The following GRIN2D variants were observed in gnomAD, a reference collection of about 807,000 sequenced individuals.
GRIN2D encodes glutamate receptor ionotropic, NMDA 2D.
Under a neutral mutation model 103.2 loss-of-function variants are expected in GRIN2D, and 37 were observed. The observed-to-expected ratio is 0.36, with a 90% CI of 0.28 to 0.47. The LOEUF (loss-of-function observed/expected upper bound fraction) is 0.47, where lower values mean the gene tolerates loss of function less well. GRIN2D is among the 20% of genes least tolerant of loss of function. The pLI, the probability that GRIN2D is intolerant of heterozygous loss-of-function variation, is 1.00. For synonymous variants in GRIN2D, 845 were observed against 885.6 expected, an observed-to-expected ratio of 0.95 and a Z score of 0.81; for missense variants, 1,557 against 1,910.6, an observed-to-expected ratio of 0.81 and a Z score of 3.45.
At chr19:48,411,326 AAATAATAATAATAATAAT>A (rs200053542) in intron 4 of GRIN2D, among the ~76,000 whole-genome samples, 15 of 138,230 alleles carry the variant, frequency 1.1e-4, no homozygotes, top group Non-Finnish European at 1.8e-4. Flanking sequence ...CCCCGTCTCA[AAATAATAATAATAATAAT>A]AATAATAATA....
rs1023614014 is a variant in GRIN2D at position 48,398,584 on chromosome 19, C to G, written c.192C>G (p.Ala64=). ...TGTTCTCGGGGCCCGCGTACGCGGC[C>G]GAGGCGGCACGCCTGGGCCCGGCCG... ...ALVFSGPAYA[A]EAARLGPAVA... is the part of the protein sequence containing the mutation. Residue 64 remains alanine (A), a synonymous_variant, in exon 3 of 14, where the codon GCC becomes GCG. Transcript: ENST00000263269. The G allele has an allele frequency of 3.1e-4, 372 of 1,197,818 alleles. No homozygotes were observed. The highest frequency in any genetic ancestry group is 3.7e-4 in the Non-Finnish European group (360 of 966,760). 74.2% of individuals were successfully genotyped at this position (1,197,818 alleles called of 1,614,324 possible).
chr19:48,396,837 T>C (rs1970649525), intron 2 of GRIN2D, among the ~76,000 whole-genome samples: 1 of 151,934 alleles, frequency 6.6e-6, no homozygotes, highest in South Asian at 2.1e-4. Context: ...GACAGGAGCA[T>C]GACAGCCAGG....
At chr19:48,417,110 G>A (rs1970958436) in intron 8 of GRIN2D, among the ~76,000 whole-genome samples, 2 of 152,084 alleles carry the variant, frequency 1.3e-5, no homozygotes, top group Admixed American at 6.6e-5. Flanking sequence ...AAAATATCCA[G>A]CTCTGTGTAA....
chr19:48,397,426 G>T (rs1054236171), intron 2 of GRIN2D, among the ~76,000 whole-genome samples: 2 of 151,890 alleles, frequency 1.3e-5, no homozygotes, highest in African/African-American at 4.8e-5. Flanking sequence ...CCTGGTGGGG[G>T]TCCCGATCTT....
At chr19:48,426,761 T>C (rs936752729) in intron 11 of GRIN2D, among the ~76,000 whole-genome samples, 1 of 151,360 alleles carries the variant, frequency 6.6e-6, no homozygotes, top group Non-Finnish European at 1.5e-5. Flanking sequence ...ATTTTTGTAT[T>C]TTTAGTAAAG....
In GRIN2D at chr19:48,394,483, G is replaced by T. The variant is rs1044931360; in HGVS notation, c.-305-175G>T. Among the ~76,000 whole-genome samples, 1 of 150,868 alleles carries T rather than the reference G, an allele frequency of 6.6e-6. No individual in the cohort carries two copies. Among genetic ancestry groups the T allele is most frequent in the Non-Finnish European group, 1.5e-5 (1 of 67,648 alleles). On this transcript the variant is annotated intron_variant, in intron 1 of 13. Transcript: ENST00000263269. This position sits in a 1 kb window ranked among gnomAD's most constrained non-coding sequence, Gnocchi z 5.1. ...GGTGGGGGGGCTGAGGGCACAAAGC[G>T]GGGGTGCGAGTGAGCCAGGGAGAGG...
intron 11 of GRIN2D, among the ~76,000 whole-genome samples, chr19:48,427,770 C>T (rs1956273307): frequency 6.6e-6 from 1 of 151,880 alleles, no homozygotes; most frequent in African/African-American, 2.4e-5. Flanking sequence ...CGTGAGCCAC[C>T]CTCCTTGGTC....
intron 11 of GRIN2D, among the ~76,000 whole-genome samples, chr19:48,433,225 G>A (rs1006698580): frequency 1.2e-4 from 18 of 151,392 alleles, no homozygotes; most frequent in Non-Finnish European, 2.5e-4. Flanking sequence ...AAAATTAGCC[G>A]GGCATGATGG....
chr19:48,422,016 G>C, intron 11 of GRIN2D, 71 bp downstream of exon 11: 2 of 1,489,986 alleles, frequency 1.3e-6, no homozygotes, highest in Non-Finnish European at 1.9e-6. Context: ...AGATGGCAAG[G>C]GGTCCAGGTT....
chr19:48,419,600 C>T lies in GRIN2D; in HGVS notation c.1877C>T (p.Thr626Ile). The change falls in exon 10 of 14, where the codon ACC (threonine) becomes ATC (isoleucine). Residue 626 changes from threonine (T) to isoleucine (I), a missense_variant. Coordinates refer to ENST00000263269, the MANE Select transcript of GRIN2D (RefSeq NM_000836.4). ...CCCCCTGCAGGCCCTGGCGGTTCAA[C>T]CTTCACCATTGGGAAATCCATCTGG... Reference protein sequence around the residue: ...LATGKRPGGSTFTIGKSIWLL... With the variant: ...LATGKRPGGSIFTIGKSIWLL... 1 of 1,613,350 alleles carries T rather than the reference C, an allele frequency of 6.2e-7. No homozygotes were observed. The highest frequency in any genetic ancestry group is 8.5e-7 in the Non-Finnish European group (1 of 1,179,694).
chr19:48,399,393 C>T (rs1388312710), intron 3 of GRIN2D, among the ~76,000 whole-genome samples: 1 of 152,156 alleles, frequency 6.6e-6, no homozygotes, highest in East Asian at 1.9e-4. Flanking sequence ...CATGGTGAAA[C>T]CCCGTCTCTA....
chr19:48,407,053 C>A (rs1970801710), intron 4 of GRIN2D, among the ~76,000 whole-genome samples: 1 of 151,324 alleles, frequency 6.6e-6, no homozygotes, highest in East Asian at 1.9e-4. Flanking sequence ...TCTGGGCTCA[C>A]TGCAACCTCC....
In GRIN2D at chr19:48,442,196, C is replaced by A; in HGVS notation, c.2487C>A (p.His829Gln). ...GGCTGTGGCTCTCTGGGATCTGCCA[C>A]AATGACAAAATCGAGGTGATGAGCA... Reference protein sequence around the residue: ...LERLWLSGICHNDKIEVMSSK... With the variant: ...LERLWLSGICQNDKIEVMSSK... Residue 829 changes from histidine to glutamine, a missense_variant, in exon 13 of 14, where the codon CAC becomes CAA. By Grantham distance (24) the His-to-Gln change is conservative. Around this residue, in one of 7 missense-constraint regions of GRIN2D, gnomAD observed 138 missense variants for 270.2 expected, o/e 0.51. Coordinates refer to ENST00000263269, the MANE Select transcript of GRIN2D (RefSeq NM_000836.4). The surrounding 1 kb of genome is among the most constrained non-coding windows in gnomAD (Gnocchi z 7.2). The A allele has an allele frequency of 6.2e-7, 1 of 1,614,168 alleles. No individual in the cohort carries two copies. The highest frequency in any genetic ancestry group is 2.2e-5 in the East Asian group (1 of 44,874).
intron 2 of GRIN2D, among the ~76,000 whole-genome samples, chr19:48,396,500 G>C (rs547644562): frequency 3.9e-5 from 6 of 151,938 alleles, no homozygotes; most frequent in South Asian, 4.2e-4. Flanking sequence ...GGAGGGGAGC[G>C]TGAGTGTTAA....
chr19:48,419,286 G>C lies in GRIN2D; in HGVS notation c.1788G>C (p.Val596=). 1 of 1,611,296 alleles carries C rather than the reference G, an allele frequency of 6.2e-7. No homozygotes were observed. The highest frequency in any genetic ancestry group is 1.1e-5 in the South Asian group (1 of 91,066). ...WVMMFVMCLT[V]VAVTVFIFEY... ...TGATGTTCGTCATGTGCCTCACTGT[G>C]GTCGCCGTCACTGTTTTCATCTTCG... Residue 596 remains valine (V), a synonymous_variant, in exon 9 of 14, where the codon GTG becomes GTC. Coordinates refer to ENST00000263269, the MANE Select transcript of GRIN2D (RefSeq NM_000836.4).
At chr19:48,396,996 C>A (rs920793998) in intron 2 of GRIN2D, among the ~76,000 whole-genome samples, 5 of 152,106 alleles carry the variant, frequency 3.3e-5, no homozygotes, top group Admixed American at 3.3e-4. Context: ...CCAGCCCAAC[C>A]ACCCCAGGCG....
Position 48,412,420 on chromosome 19 carries a change from G to A in GRIN2D, c.1086-1571G>A, listed in dbSNP as rs1331588523. On this transcript the variant is annotated intron_variant, in intron 4 of 13. Coordinates refer to ENST00000263269, the MANE Select transcript of GRIN2D (RefSeq NM_000836.4). ...AAGAAAAGAAAGAAAGAAAGAGAAA[G>A]AAAAGAAAGAAAGAAAGAAAGAAAG... Among the ~76,000 whole-genome samples, 21 of 95,072 alleles carry A rather than the reference G, an allele frequency of 2.2e-4. No homozygotes were observed. The East Asian group carries it at 6.7e-3, about 31-fold the overall frequency. The allele number at this position is 95,072 out of a possible 152,430, so 62.4% of individuals were successfully genotyped here. A position where few individuals can be genotyped will look rare whatever the true frequency, so the allele number is the denominator to read the frequency against.
Position 48,414,817 on chromosome 19 carries a change from C to A in GRIN2D, c.1413-47C>A. The A allele has an allele frequency of 6.3e-7, 1 of 1,594,706 alleles. No individual in the cohort carries two copies. The highest frequency in any genetic ancestry group is 1.1e-5 in the South Asian group (1 of 89,980). ...CCATATCCTCTCTTCATGAGAGAGT[C>A]TAAGGAGGGGGTCCCCAAACTCCCC... On this transcript the variant is annotated intron_variant, in intron 6 of 13. Coordinates refer to ENST00000263269, the MANE Select transcript of GRIN2D (RefSeq NM_000836.4). The surrounding 1 kb of genome is among the most constrained non-coding windows in gnomAD (Gnocchi z 4.6).
Position 48,419,330 on chromosome 19 carries a change from G to A in GRIN2D, c.1832G>A (p.Gly611Asp). Residue 611 changes from glycine (G) to aspartate (D), a missense_variant, in exon 9 of 14, where the codon GGT (glycine) becomes GAT (aspartate). Coordinates refer to ENST00000263269, the MANE Select transcript of GRIN2D (RefSeq NM_000836.4). ...ATCTTCGAGTACCTCAGTCCTGTTG[G>A]TTACAACCGCAGCCTGGCCACGGGC... ...VFIFEYLSPV[G>D]YNRSLATGKR... is the part of the protein sequence containing the mutation. 1 of 1,607,056 alleles carries A rather than the reference G, an allele frequency of 6.2e-7. No homozygotes were observed. Among genetic ancestry groups the A allele is most frequent in the Non-Finnish European group, 8.5e-7 (1 of 1,179,116 alleles).
Sources: gnomAD v4.1 joint callset for allele counts (sites outside exome capture counted in the v4.1 genomes callset) on GRCh38, gnomAD v4.1.1 for gene constraint, gnomAD v4.1.1 regional missense constraint, Gnocchi (gnomAD v3.1) non-coding constraint, MANE v1.5 for transcripts, NCBI Gene and HGNC (gene_info 2026-07-23, HGNC 2026-07-21) for gene names.